CTNND2: variants seen among roughly 807,000 people sequenced by gnomAD.
CTNND2 encodes catenin delta-2.
Under a neutral mutation model 144.4 loss-of-function variants are expected in CTNND2, and 22 were observed. The ratio of observed to expected loss-of-function variants is 0.15; its 90% CI spans 0.11 to 0.22. The LOEUF (loss-of-function observed/expected upper bound fraction) is 0.22, where lower values mean the gene tolerates loss of function less well. Ranked by LOEUF, CTNND2 falls within the 10% of genes least tolerant of loss-of-function variation. The probability of loss-of-function intolerance (pLI) is 1.00; values close to 1 mark genes in which losing one functional copy is unlikely to be tolerated. For missense variants in CTNND2, 1,353 were observed against 1,618.8 expected (o/e 0.84, Z 2.82); for synonymous variants, 751 against 695.6 (o/e 1.08, Z -1.25).
chr5:11,774,692 T>C (rs1790155057), intron 1 of CTNND2, among the ~76,000 whole-genome samples: 1 of 151,906 alleles, frequency 6.6e-6, no homozygotes, highest in South Asian at 2.1e-4. Flanking sequence ...TAAGAAACAC[T>C]TTTTTTTCAA....
At chr5:11,144,931 G>A (rs1271793575) in intron 12 of CTNND2, among the ~76,000 whole-genome samples, 2 of 152,130 alleles carry the variant, frequency 1.3e-5, no homozygotes, top group Admixed American at 6.5e-5. Context: ...CATTACAATT[G>A]CACGATGGCT....
chr5:11,549,743 T>C (rs879548181), intron 3 of CTNND2, among the ~76,000 whole-genome samples: 11 of 152,194 alleles, frequency 7.2e-5, no homozygotes, highest in Non-Finnish European at 1.5e-4. Context: ...CTGAGGGCAA[T>C]ACCATTTTCA....
At chr5:11,651,826 C>A (rs537318982) in intron 2 of CTNND2, among the ~76,000 whole-genome samples, 2 of 152,272 alleles carry the variant, frequency 1.3e-5, no homozygotes, top group Non-Finnish European at 2.9e-5. Context: ...GGGTCTTTAC[C>A]CAATGCCTGT....
intron 18 of CTNND2, among the ~76,000 whole-genome samples, chr5:11,001,120 A>C (rs965854163): frequency 2.0e-5 from 3 of 152,194 alleles, no homozygotes; most frequent in Non-Finnish European, 4.4e-5. Flanking sequence ...CTGATCACCC[A>C]GCATGCACTG....
Position 11,412,059 on chromosome 5 carries a change from C to T in CTNND2, c.298G>A (p.Glu100Lys), listed in dbSNP as rs748146215. 6.2e-7 allele frequency: 1 copy of T among 1,611,336 alleles called. No homozygotes were observed. The highest frequency in any genetic ancestry group is 8.5e-7 in the Non-Finnish European group (1 of 1,177,760). The change falls in exon 4 of 22, where the codon GAG (glutamate) becomes AAG (lysine). Residue 100 changes from glutamate (E) to lysine (K), a missense_variant. Coordinates refer to ENST00000304623, the MANE Select transcript of CTNND2 (RefSeq NM_001332.4). ...CCTTGTGACTGCCACTGAAACTGCTCTTCTGCTGAACTGTAAAAAAGAAAA... is the reference window on the plus strand; with the variant it reads ...CCTTGTGACTGCCACTGAAACTGCTTTTCTGCTGAACTGTAAAAAAGAAAA... ...GSMSSMSSAEEQFQWQSQDGQ... is the reference protein window; with the variant it reads ...GSMSSMSSAEKQFQWQSQDGQ...
intron 12 of CTNND2, among the ~76,000 whole-genome samples, chr5:11,146,322 G>C (rs1757239732): frequency 6.6e-6 from 1 of 152,146 alleles, no homozygotes; most frequent in Admixed American, 6.5e-5. Flanking sequence ...AATTATCTAG[G>C]GGAGGGGGCA....
chr5:11,657,308 A>G (rs1782964228), intron 2 of CTNND2, among the ~76,000 whole-genome samples: 2 of 152,176 alleles, frequency 1.3e-5, no homozygotes, highest in African/African-American at 2.4e-5. Context: ...ATAAAAATTT[A>G]TATCTAGATA....
chr5:11,832,889 G>A (rs775429395), intron 1 of CTNND2, among the ~76,000 whole-genome samples: 1 of 151,958 alleles, frequency 6.6e-6, no homozygotes, highest in Non-Finnish European at 1.5e-5. Flanking sequence ...TGCTGTGAGC[G>A]GTGATTGTGC....
intron 11 of CTNND2, among the ~76,000 whole-genome samples, chr5:11,178,608 G>A (rs1306785183): frequency 2.0e-5 from 3 of 152,162 alleles, no homozygotes; most frequent in East Asian, 1.9e-4. Flanking sequence ...CTAACAAAAT[G>A]AGGCAAATGC....
At chr5:11,086,265 G>A (rs939383575) in intron 15 of CTNND2, among the ~76,000 whole-genome samples, 9 of 152,078 alleles carry the variant, frequency 5.9e-5, no homozygotes, top group African/African-American at 2.2e-4. Flanking sequence ...ACAGGACCCT[G>A]GACCGGAGAT....
At chr5:11,568,533 CAAGAAGAG>C (rs1481465687) in intron 2 of CTNND2, among the ~76,000 whole-genome samples, 23 of 152,168 alleles carry the variant, frequency 1.5e-4, no homozygotes, top group Admixed American at 1.3e-4. Context: ...TGAATGGAAA[CAAGAAGAG>C]CTAGAATGGA....
rs186998208 is a variant in CTNND2, at chr5:11,557,435, G to T, written c.287+7509C>A. On this transcript the variant is annotated intron_variant, in intron 3 of 21. Transcript: ENST00000304623. ...CTTTGGGCCATCAGATCGAGGTTCT[G>T]GTTTTCTTGCAGGTTGTGAGTTCAG... Among the ~76,000 whole-genome samples, 259 of 152,212 alleles carry T rather than the reference G, an allele frequency of 1.7e-3. 2 individuals are homozygous for T. The highest frequency in any genetic ancestry group is 6.1e-3 in the African/African-American group (253 of 41,534).
In CTNND2 at chr5:11,372,955, C is replaced by T. The variant is rs559147072; in HGVS notation, c.1178-8065G>A. On this transcript the variant is annotated intron_variant, in intron 7 of 21. Transcript: ENST00000304623. ...CAGTGCTAGGATTACAGGTGTGATCCACTGTGCCCAGCACTCCTGCTTTGT... is the reference window on the plus strand; with the variant it reads ...CAGTGCTAGGATTACAGGTGTGATCTACTGTGCCCAGCACTCCTGCTTTGT... Among the ~76,000 whole-genome samples the T allele has an allele frequency of 2.0e-5, 3 of 152,324 alleles. No homozygotes were observed. The South Asian group carries it at 6.2e-4, about 32-fold the overall frequency.
rs532039152 is a variant in CTNND2 at position 11,017,553 on chromosome 5, G to T, written c.3084+421C>A. 6.6e-4 allele frequency among the ~76,000 whole-genome samples: 92 copies of T among 139,018 alleles called. 2 individuals carry two copies. The South Asian group carries it at 0.019, about 29-fold the overall frequency. 91.2% of individuals were successfully genotyped at this position (139,018 alleles called of 152,430 possible). A position where few individuals can be genotyped will look rare whatever the true frequency, so the allele number is the denominator to read the frequency against. On this transcript the variant is annotated intron_variant, in intron 18 of 21. Transcript: ENST00000304623. ...CTGTTTCTCTCTTTCCATATATAAAGATATATATACATATATATATATATC... is the reference window on the plus strand; with the variant it reads ...CTGTTTCTCTCTTTCCATATATAAATATATATATACATATATATATATATC...
intron 1 of CTNND2, among the ~76,000 whole-genome samples, chr5:11,739,009 T>G (rs1240055589): frequency 6.6e-6 from 1 of 152,164 alleles, no homozygotes; most frequent in Non-Finnish European, 1.5e-5. Flanking sequence ...ACTTGCACTA[T>G]AGCAGCCCCT....
At chr5:11,791,462 G>A (rs935901493) in intron 1 of CTNND2, among the ~76,000 whole-genome samples, 6 of 152,208 alleles carry the variant, frequency 3.9e-5, no homozygotes, top group African/African-American at 1.4e-4. Flanking sequence ...CAAATGGAAG[G>A]AAATGGCCGA....
At chr5:11,511,789 TCA>T (rs1395881230) in intron 3 of CTNND2, among the ~76,000 whole-genome samples, 1 of 152,102 alleles carries the variant, frequency 6.6e-6, no homozygotes, top group Non-Finnish European at 1.5e-5. Flanking sequence ...TTCTACATCC[TCA>T]CACAGTTTTC....
chr5:11,055,953 G>C (rs906259654), intron 16 of CTNND2, among the ~76,000 whole-genome samples: 11 of 152,172 alleles, frequency 7.2e-5, no homozygotes, highest in African/African-American at 2.4e-4. Flanking sequence ...CTGATTTCCT[G>C]GCTGCAGAAC....
chr5:11,342,701 C>A (rs1008582458), intron 9 of CTNND2, among the ~76,000 whole-genome samples: 1 of 151,966 alleles, frequency 6.6e-6, no homozygotes, highest in Non-Finnish European at 1.5e-5. Flanking sequence ...GTTATAATAC[C>A]CTTAGTATAT....
Sources: allele counts gnomAD v4.1 joint callset (sites outside exome capture counted in the v4.1 genomes callset), GRCh38; gene constraint gnomAD v4.1.1; transcripts MANE v1.5; gene names NCBI Gene and HGNC (gene_info 2026-07-23, HGNC 2026-07-21).